Variants in CAMKMT observed in about 807,000 individuals in gnomAD.
CAMKMT encodes CaM KMT.
Under a neutral mutation model 48.0 loss-of-function variants are expected in CAMKMT, and 53 were observed. The observed-to-expected ratio is 1.10, with a 90% CI of 0.89 to 1.39. The LOEUF is 1.39. Ranked by LOEUF, CAMKMT falls within the 40% of genes most tolerant of loss-of-function variation. CAMKMT has a pLI of 0.00. For missense variants in CAMKMT, 428 were observed against 402.7 expected, an observed-to-expected ratio of 1.06 and a Z score of -0.54; for synonymous variants, 165 against 152.3, an observed-to-expected ratio of 1.08 and a Z score of -0.61.
chr2:44,715,164 G>A (rs566086582), intron 6 of CAMKMT, 123 bp from the exon 7 acceptor site: 49 of 598,234 alleles, frequency 8.2e-5, no homozygotes, highest in Non-Finnish European at 1.3e-4. Flanking sequence ...CTGCACTCCA[G>A]CCTGGGCAAC....
chr2:44,608,553 C>G (rs890041306), intron 3 of CAMKMT, among the ~76,000 whole-genome samples: 4 of 151,970 alleles, frequency 2.6e-5, no homozygotes, highest in African/African-American at 7.3e-5. Context: ...ATTCAGTATC[C>G]CTTTCTAGCT....
chr2:44,479,191 T>G (rs1386871978), intron 3 of CAMKMT, among the ~76,000 whole-genome samples: 1 of 152,162 alleles, frequency 6.6e-6, no homozygotes, highest in Non-Finnish European at 1.5e-5. Context: ...TGTAATAAAT[T>G]CTAGAAAGAT....
At chr2:44,638,973 A>C (rs749859912) in intron 3 of CAMKMT, among the ~76,000 whole-genome samples, 1 of 152,196 alleles carries the variant, frequency 6.6e-6, no homozygotes, top group African/African-American at 2.4e-5. Flanking sequence ...TGAACTGCCA[A>C]GTTAGCTCCC....
At chr2:44,511,803 A>G (rs1347782276) in intron 3 of CAMKMT, among the ~76,000 whole-genome samples, 1 of 152,038 alleles carries the variant, frequency 6.6e-6, no homozygotes, top group Admixed American at 6.5e-5. Flanking sequence ...TGGGTCCCTC[A>G]CTTCAAGTGT....
intron 3 of CAMKMT, among the ~76,000 whole-genome samples, chr2:44,532,841 G>T (rs1355122050): frequency 1.3e-5 from 2 of 150,196 alleles, no homozygotes; most frequent in African/African-American, 4.9e-5. Flanking sequence ...TTGAGACAGA[G>T]TCTCGCTGTC....
At chr2:44,694,283 A>C (rs567425517) in intron 3 of CAMKMT, among the ~76,000 whole-genome samples, 45 of 152,352 alleles carry the variant, frequency 3.0e-4, no homozygotes, top group Non-Finnish European at 5.7e-4. Flanking sequence ...GACATTTAAA[A>C]TAATTCTAGG....
At chr2:44,725,711 T>G (rs779910647) in intron 7 of CAMKMT, among the ~76,000 whole-genome samples, 22 of 152,082 alleles carry the variant, frequency 1.4e-4, no homozygotes, top group Admixed American at 1.2e-3. Flanking sequence ...ATTTAGCTAT[T>G]TGTGATAAAT....
intron 3 of CAMKMT, among the ~76,000 whole-genome samples, chr2:44,525,565 T>C (rs1390977740): frequency 2.0e-5 from 3 of 152,240 alleles, no homozygotes; most frequent in Non-Finnish European, 4.4e-5. Flanking sequence ...AGATATTCTT[T>C]TCTTTTGAAA....
intron 3 of CAMKMT, among the ~76,000 whole-genome samples, chr2:44,540,125 G>A (rs775748501): frequency 2.4e-4 from 35 of 148,396 alleles, no homozygotes; most frequent in Admixed American, 1.1e-3. Flanking sequence ...ATAAGGAGAG[G>A]CTTCCCATTT....
chr2:44,684,210 C>T (rs905524667), intron 3 of CAMKMT, among the ~76,000 whole-genome samples: 3 of 152,148 alleles, frequency 2.0e-5, no homozygotes, highest in Non-Finnish European at 2.9e-5. Flanking sequence ...TCATAGAGAC[C>T]GTGATGACTT....
chr2:44,442,314 A>G (rs1666716628), intron 3 of CAMKMT, among the ~76,000 whole-genome samples: 1 of 152,232 alleles, frequency 6.6e-6, no homozygotes, highest in African/African-American at 2.4e-5. Context: ...TTGTGTGTAT[A>G]TATATACACA....
At chr2:44,408,047 G>T (rs1443847522) in intron 3 of CAMKMT, among the ~76,000 whole-genome samples, 3 of 118,546 alleles carry the variant, frequency 2.5e-5, no homozygotes, top group African/African-American at 4.3e-5. Context: ...TTTTTTTTGA[G>T]ATGGAGTCTC....
In CAMKMT at chr2:44,365,916, C is replaced by G. The variant is rs906693441; in HGVS notation, c.138+3771C>G. Among the ~76,000 whole-genome samples the G allele has an allele frequency of 9.2e-5, 14 of 152,162 alleles. 1 individual carries two copies. Among genetic ancestry groups the G allele is most frequent in the African/African-American group, 3.4e-4 (14 of 41,432 alleles). ...GTTCAGTTTATATCAAAGCAGGATGCTTTTTCCTGGATTGGCTAATTGAAA... is the reference window on the plus strand; with the variant it reads ...GTTCAGTTTATATCAAAGCAGGATGGTTTTTCCTGGATTGGCTAATTGAAA... On this transcript the variant is annotated intron_variant, in intron 1 of 10. Transcript: ENST00000378494.
chr2:44,625,214 T>C (rs1405994251), intron 3 of CAMKMT, among the ~76,000 whole-genome samples: 1 of 152,202 alleles, frequency 6.6e-6, no homozygotes, highest in East Asian at 1.9e-4. Flanking sequence ...TAGTATCTTA[T>C]TGTGATTTCA....
At chr2:44,599,405 T>C (rs1407984073) in intron 3 of CAMKMT, among the ~76,000 whole-genome samples, 6 of 152,130 alleles carry the variant, frequency 3.9e-5, no homozygotes, top group Admixed American at 3.9e-4. Flanking sequence ...CAACATTTTA[T>C]AGCTACTGCA....
chr2:44,562,671 CT>C (rs1424622656), intron 3 of CAMKMT, among the ~76,000 whole-genome samples: 2 of 152,222 alleles, frequency 1.3e-5, no homozygotes, highest in Non-Finnish European at 2.9e-5. Flanking sequence ...AGCAATTCTT[CT>C]GCCTCAGCCT....
In CAMKMT at chr2:44,362,131, A is replaced by G; in HGVS notation, c.124A>G (p.Lys42Glu). The G allele has an allele frequency of 6.8e-7, 1 of 1,477,664 alleles. No individual in the cohort carries two copies. The highest frequency in any genetic ancestry group is 8.9e-7 in the Non-Finnish European group (1 of 1,125,462). The allele number at this position is 1,477,664 out of a possible 1,614,324, so 91.5% of individuals were successfully genotyped here. A position where few individuals can be genotyped will look rare whatever the true frequency, so the allele number is the denominator to read the frequency against. The change falls in exon 1 of 11, where the codon AAG (lysine) becomes GAG (glutamate). Residue 42 changes from lysine (K) to glutamate (E), a missense_variant. Physicochemically the swap from Lys to Glu is moderately conservative, Grantham distance 56 (BLOSUM62 1). Transcript: ENST00000378494. Reference protein sequence around the residue: ...VSAPLGAARWKLLRQVLKQKH... With the variant: ...VSAPLGAARWELLRQVLKQKH... ...GGCGCCCCTGGGAGCCGCCCGGTGG[A>G]AGCTCCTGCGGCAGGTAAGGGAGAA...
At chr2:44,436,468 C>A (rs1666261003) in intron 3 of CAMKMT, among the ~76,000 whole-genome samples, 1 of 152,090 alleles carries the variant, frequency 6.6e-6, no homozygotes, top group Non-Finnish European at 1.5e-5. Context: ...AGGCTGGGAT[C>A]ATTTCAGACA....
chr2:44,649,654 A>T (rs1292934433), intron 3 of CAMKMT, among the ~76,000 whole-genome samples: 1 of 152,132 alleles, frequency 6.6e-6, no homozygotes, highest in Non-Finnish European at 1.5e-5. Flanking sequence ...AATGACAGTA[A>T]ATTTTGGCTT....
Sources: allele counts gnomAD v4.1 joint callset (sites outside exome capture counted in the v4.1 genomes callset), GRCh38; gene constraint gnomAD v4.1.1; transcripts MANE v1.5; gene names NCBI Gene and HGNC (gene_info 2026-07-23, HGNC 2026-07-21).